SPATA6: variants seen among roughly 807,000 people sequenced by gnomAD.
The protein encoded by SPATA6 is spermatogenesis associated 6, also known as spermatogenesis-associated protein 6.
Under a neutral mutation model 65.3 loss-of-function variants are expected in SPATA6, and 56 were observed. The ratio of observed to expected loss-of-function variants is 0.86; its 90% CI spans 0.69 to 1.07. The LOEUF is 1.07. Ranked by LOEUF, SPATA6 falls within the 50% of genes least tolerant of loss-of-function variation. The probability of loss-of-function intolerance (pLI) is 0.00; values close to 1 mark genes in which losing one functional copy is unlikely to be tolerated. For missense variants in SPATA6, 590 were observed against 594.8 expected, an observed-to-expected ratio of 0.99 and a Z score of 0.08; for synonymous variants, 199 against 213.2, an observed-to-expected ratio of 0.93 and a Z score of 0.58.
chr1:48,366,922 T>A (rs1015361518), intron 9 of SPATA6, among the ~76,000 whole-genome samples: 1 of 152,246 alleles, frequency 6.6e-6, no homozygotes, highest in South Asian at 2.1e-4. Flanking sequence ...TGCTTTGTCT[T>A]GTGGGCATTC....
At chr1:48,290,861 C>T (rs2148622673), downstream of SPATA6, among the ~76,000 whole-genome samples, 1 of 152,228 alleles carries the variant, frequency 6.6e-6, no homozygotes, top group Non-Finnish European at 1.5e-5. Context: ...TCCTTAGAGA[C>T]CTACAAAGAG....
At chr1:48,428,453 C>CATT (rs1557697917) in intron 3 of SPATA6, among the ~76,000 whole-genome samples, 1 of 151,932 alleles carries the variant, frequency 6.6e-6, no homozygotes, top group East Asian at 1.9e-4. Flanking sequence ...AACTCCGTCT[C>CATT]TAATAATAAT....
the SPATA6 span, among the ~76,000 whole-genome samples, chr1:48,274,980 G>A: frequency 6.6e-6 from 1 of 152,160 alleles, no homozygotes. Flanking sequence ...AGCATGGAAT[G>A]TTTTTCCATT....
chr1:48,269,639 G>A, the SPATA6 span, among the ~76,000 whole-genome samples: 2 of 151,946 alleles, frequency 1.3e-5, no homozygotes, highest in South Asian at 4.2e-4. Context: ...TATTTCATAG[G>A]TAGACAAAGA....
intron 5 of SPATA6, among the ~76,000 whole-genome samples, chr1:48,406,188 C>T (rs1304393942): frequency 1.3e-5 from 2 of 152,064 alleles, no homozygotes; most frequent in Admixed American, 1.3e-4. Context: ...GATCTCGCAA[C>T]TGCACTCCAG....
the SPATA6 span, among the ~76,000 whole-genome samples, chr1:48,289,223 C>A: frequency 2.8e-3 from 419 of 152,324 alleles, no homozygotes; most frequent in African/African-American, 8.5e-3. Flanking sequence ...TGGTGATACC[C>A]AGGGGAACAG....
chr1:48,366,759 T>A (rs960527989), intron 9 of SPATA6, among the ~76,000 whole-genome samples: 1 of 152,182 alleles, frequency 6.6e-6, no homozygotes, highest in Non-Finnish European at 1.5e-5. Flanking sequence ...CCTGGATTCA[T>A]TGATTTTTTG....
At position 48,395,296 on chromosome 1, in the gene SPATA6, T is replaced by C. The variant is rs776606865; in HGVS notation, c.839A>G (p.Glu280Gly). The part of the protein sequence containing the change: ...TLLGSSGRDC[E>G]RDGWSRVHND... ...GTGCACCCTTGACCATCCATCTCTT[T>C]CACAGTCTCTTCCAGAAGATCCCAA... Residue 280 changes from glutamate (E) to glycine (G), a missense_variant, in exon 8 of 13, where the codon GAA becomes GGA. Coordinates refer to ENST00000371847, the MANE Select transcript of SPATA6 (RefSeq NM_019073.4). 3 of 1,568,678 alleles carry C rather than the reference T, an allele frequency of 1.9e-6. No individual in the cohort carries two copies. Among genetic ancestry groups the C allele is most frequent in the African/African-American group, 2.7e-5 (2 of 72,874 alleles).
chr1:48,357,727 A>G (rs1044421402), intron 10 of SPATA6, among the ~76,000 whole-genome samples: 2 of 152,164 alleles, frequency 1.3e-5, no homozygotes, highest in African/African-American at 4.8e-5. Context: ...TGAGGTACTG[A>G]GTGTTGAAAA....
At chr1:48,402,147 G>C (rs925669954) in intron 6 of SPATA6, among the ~76,000 whole-genome samples, 2 of 151,742 alleles carry the variant, frequency 1.3e-5, no homozygotes, top group Admixed American at 1.3e-4. Context: ...AAGTCAAAAA[G>C]TAAAAATAAA....
the SPATA6 span, among the ~76,000 whole-genome samples, chr1:48,286,456 T>G: frequency 6.6e-6 from 1 of 152,308 alleles, no homozygotes; most frequent in Admixed American, 6.5e-5. Context: ...TATATTTCCC[T>G]TTCAGATAGT....
intron 3 of SPATA6, among the ~76,000 whole-genome samples, chr1:48,421,498 T>C (rs1304576675): frequency 1.3e-5 from 2 of 152,128 alleles, no homozygotes; most frequent in African/African-American, 4.8e-5. Flanking sequence ...CCACATCTTA[T>C]GGTTATATTG....
intron 11 of SPATA6, among the ~76,000 whole-genome samples, chr1:48,340,723 A>T (rs77405615): frequency 2.0e-5 from 3 of 152,088 alleles, no homozygotes; most frequent in Non-Finnish European, 2.9e-5. Flanking sequence ...TACAGTAAGT[A>T]AATCAAAAGA....
At chr1:48,275,977 A>G in the SPATA6 span, among the ~76,000 whole-genome samples, 1 of 150,970 alleles carries the variant, frequency 6.6e-6, no homozygotes, top group Admixed American at 6.6e-5. Context: ...CTTTTTTTTT[A>G]TTGGTAGGCT....
chr1:48,324,493 T>A (rs1299442107), intron 11 of SPATA6, among the ~76,000 whole-genome samples: 2 of 152,246 alleles, frequency 1.3e-5, no homozygotes, highest in East Asian at 3.9e-4. Context: ...AGATTATTTA[T>A]CATGACCAAG....
intron 11 of SPATA6, among the ~76,000 whole-genome samples, chr1:48,316,637 C>A (rs2148686770): frequency 6.6e-6 from 1 of 152,264 alleles, no homozygotes. Context: ...GACTTCATGT[C>A]TAAAACACCA....
chr1:48,355,642 T>C (rs2148806817), intron 11 of SPATA6, 28 bp downstream of exon 11: 1 of 1,534,244 alleles, frequency 6.5e-7, no homozygotes, highest in Non-Finnish European at 9.0e-7. Context: ...TTATAAATAG[T>C]CTTCAAAAAA....
At chr1:48,275,967 C>CT in the SPATA6 span, among the ~76,000 whole-genome samples, 2,979 of 150,660 alleles carry the variant, frequency 0.02, 118 homozygotes, top group East Asian at 0.2. Flanking sequence ...TGGTCCTGGG[C>CT]TTTTTTTTTA....
At chr1:48,286,010 A>C in the SPATA6 span, among the ~76,000 whole-genome samples, 8 of 152,130 alleles carry the variant, frequency 5.3e-5, no homozygotes, top group Admixed American at 5.2e-4. Flanking sequence ...AGGGCTCCCT[A>C]TTCTGTTCCA....
Sources: gnomAD v4.1 joint callset for allele counts (sites outside exome capture counted in the v4.1 genomes callset) on GRCh38, gnomAD v4.1.1 for gene constraint, MANE v1.5 for transcripts, NCBI Gene and HGNC (gene_info 2026-07-23, HGNC 2026-07-21) for gene names.